The following CEP112 variants were observed in gnomAD, a reference collection of about 807,000 sequenced individuals.
CEP112 encodes the protein centrosomal protein of 112 kDa.
A neutral mutation model predicts 153.0 loss-of-function variants in CEP112; 127 were observed. That is an observed-to-expected ratio of 0.83 (90% confidence interval 0.72 to 0.96). The LOEUF (loss-of-function observed/expected upper bound fraction) is 0.96. Ranked by LOEUF, CEP112 falls within the 40% of genes least tolerant of loss-of-function variation. The pLI is 0.00. For missense variants in CEP112, 1,089 were observed against 1,101.2 expected, an observed-to-expected ratio of 0.99 and a Z score of 0.16; for synonymous variants, 358 against 374.4, an observed-to-expected ratio of 0.96 and a Z score of 0.51.
chr17:65,888,417 G>T (rs1178909366), intron 20 of CEP112, among the ~76,000 whole-genome samples: 1 of 152,048 alleles, frequency 6.6e-6, no homozygotes, highest in African/African-American at 2.4e-5. Context: ...TCTTAGCGCA[G>T]TGACTGCTAC....
chr17:66,049,778 G>C (rs199939510), intron 12 of CEP112, among the ~76,000 whole-genome samples: 1 of 151,812 alleles, frequency 6.6e-6, no homozygotes, highest in East Asian at 1.9e-4. Flanking sequence ...AGAGTCAAAT[G>C]AAAATACTAG....
chr17:66,058,162 A>C (rs1456578680), intron 11 of CEP112, among the ~76,000 whole-genome samples: 1 of 152,096 alleles, frequency 6.6e-6, no homozygotes, highest in Admixed American at 6.6e-5. Flanking sequence ...AACTAGAAAA[A>C]AAAGCTTTAC....
chr17:66,035,440 G>A (rs2065696440), intron 12 of CEP112, among the ~76,000 whole-genome samples: 1 of 152,116 alleles, frequency 6.6e-6, no homozygotes, highest in South Asian at 2.1e-4. Context: ...GGTTCCAACA[G>A]AAAACAACTG....
chr17:65,854,592 C>G (rs1417948238), intron 20 of CEP112, among the ~76,000 whole-genome samples: 2 of 152,152 alleles, frequency 1.3e-5, no homozygotes, highest in African/African-American at 4.8e-5. Flanking sequence ...TCCTGCCTTT[C>G]TAAGAAAAGC....
At chr17:65,970,976 AT>A (rs144261879) in intron 17 of CEP112, among the ~76,000 whole-genome samples, 10,017 of 152,164 alleles carry the variant, frequency 0.066, 487 homozygotes, top group African/African-American at 0.12. Context: ...GGCCAGGCTG[AT>A]TTTAAAAAAC....
intron 4 of CEP112, among the ~76,000 whole-genome samples, chr17:66,148,321 A>G (rs2071010929): frequency 2.0e-5 from 3 of 152,204 alleles, no homozygotes; most frequent in South Asian, 4.1e-4. Context: ...TATGGGAGCT[A>G]TAATTCAAGG....
At chr17:66,098,922 G>A (rs901524621) in intron 6 of CEP112, among the ~76,000 whole-genome samples, 24 of 152,138 alleles carry the variant, frequency 1.6e-4, no homozygotes, top group African/African-American at 5.1e-4. Flanking sequence ...GTACCTCAGG[G>A]TCCTAGTAGT....
intron 4 of CEP112, among the ~76,000 whole-genome samples, chr17:66,173,127 T>C (rs76009417): frequency 0.017 from 2,626 of 152,180 alleles, 77 homozygotes; most frequent in African/African-American, 0.06. Flanking sequence ...AACATAAAAA[T>C]AGAAAAACAA....
At chr17:65,699,238 C>A (rs2048502510) in intron 23 of CEP112, among the ~76,000 whole-genome samples, 1 of 152,214 alleles carries the variant, frequency 6.6e-6, no homozygotes, top group African/African-American at 2.4e-5. Context: ...AAATGCTTGG[C>A]AAAGTGTTAT....
At chr17:65,941,571 T>G (rs1351138888) in intron 18 of CEP112, 1 of 152,182 alleles carries the variant, frequency 6.6e-6, no homozygotes. Flanking sequence ...ATACACAACA[T>G]TCTGCTTCAT....
intron 16 of CEP112, among the ~76,000 whole-genome samples, chr17:66,024,681 C>T (rs755405775): frequency 1.4e-4 from 22 of 151,984 alleles, no homozygotes; most frequent in African/African-American, 2.2e-4. Flanking sequence ...CTCATGCTCA[C>T]GGATTAGAAT....
At chr17:66,109,254 A>C (rs1018837455) in intron 6 of CEP112, among the ~76,000 whole-genome samples, 2 of 152,170 alleles carry the variant, frequency 1.3e-5, no homozygotes, top group African/African-American at 4.8e-5. Context: ...ATTTTTAAAT[A>C]ACTATAAGAG....
At chr17:66,016,048 T>C (rs541605953) in intron 16 of CEP112, among the ~76,000 whole-genome samples, 3 of 152,210 alleles carry the variant, frequency 2.0e-5, no homozygotes, top group Non-Finnish European at 4.4e-5. Flanking sequence ...AGTCTGCTAT[T>C]GTACTTTTGG....
intron 8 of CEP112, among the ~76,000 whole-genome samples, chr17:66,091,095 T>C (rs996663343): frequency 1.3e-5 from 2 of 152,028 alleles, no homozygotes; most frequent in African/African-American, 4.8e-5. Flanking sequence ...TAGGGGACTT[T>C]AAGACCACAA....
intron 4 of CEP112, among the ~76,000 whole-genome samples, chr17:66,166,419 C>T (rs2071960122): frequency 1.3e-5 from 2 of 152,112 alleles, no homozygotes; most frequent in Non-Finnish European, 2.9e-5. Flanking sequence ...AACCTCACTG[C>T]ACTTTGGTGA....
At chr17:66,019,015 C>T (rs934114719) in intron 16 of CEP112, among the ~76,000 whole-genome samples, 24 of 152,188 alleles carry the variant, frequency 1.6e-4, no homozygotes, top group African/African-American at 5.1e-4. Context: ...TCAACAATGA[C>T]ATTTCGGTTT....
intron 12 of CEP112, among the ~76,000 whole-genome samples, chr17:66,035,598 T>G (rs972840667): frequency 1.3e-5 from 2 of 152,214 alleles, no homozygotes; most frequent in African/African-American, 4.8e-5. Context: ...TTCTGCTTAT[T>G]TACCCAAAAG....
chr17:65,910,166 C>T (rs1455857673), intron 19 of CEP112, among the ~76,000 whole-genome samples: 1 of 152,142 alleles, frequency 6.6e-6, no homozygotes, highest in Non-Finnish European at 1.5e-5. Context: ...GTTTCTCTGA[C>T]AGAAGTTGTT....
intron 21 of CEP112, among the ~76,000 whole-genome samples, chr17:65,768,323 T>C (rs2053126186): frequency 6.6e-6 from 1 of 152,020 alleles, no homozygotes; most frequent in South Asian, 2.1e-4. Context: ...CATCTTGATG[T>C]TGAGTAGGCT....
Sources: allele counts gnomAD v4.1 joint callset (sites outside exome capture counted in the v4.1 genomes callset), GRCh38; gene constraint gnomAD v4.1.1; transcripts MANE v1.5; gene names NCBI Gene and HGNC (gene_info 2026-07-23, HGNC 2026-07-21).